Variants in CTSH observed in about 807,000 individuals in gnomAD.
The protein encoded by CTSH is pro-cathepsin H.
Under a neutral mutation model 56.3 loss-of-function variants are expected in CTSH, and 52 were observed. The ratio of observed to expected loss-of-function variants is 0.92; its 90% CI spans 0.74 to 1.16. The LOEUF is 1.16. Ranked by LOEUF, CTSH falls within the 50% of genes most tolerant of loss-of-function variation. The pLI, the probability that CTSH is intolerant of heterozygous loss-of-function variation, is 0.00. For synonymous variants in CTSH, 174 were observed against 155.7 expected (o/e 1.12, Z -0.88); for missense variants, 406 against 424.5 (o/e 0.96, Z 0.38).
intron 9 of CTSH, chr15:78,926,543 C>A (rs1567351074): frequency 6.6e-6 from 1 of 152,196 alleles, no homozygotes; most frequent in African/African-American, 2.4e-5. Context: ...CAAAGGGATA[C>A]CTTTGAGGCC....
rs763087568 is a variant in CTSH, at chr15:78,943,866, C to T, written c.91+1025G>A. On this transcript the variant is annotated intron_variant, in intron 1 of 11. Transcript: ENST00000220166. The stretch of plus-strand genomic sequence containing the variant: ...GCCTTCTCCAGGCAGCCCTCGCTTG[C>T]GGCAGCTAGGTTTTCCTTAGGCGGG... 5.3e-4 allele frequency among the ~76,000 whole-genome samples: 80 copies of T among 152,362 alleles called. No individual in the cohort carries two copies. The Middle Eastern group carries it at 0.01, about 19-fold the overall frequency.
chr15:78,923,049 A>AT lies in CTSH; in HGVS notation c.875dup (p.Asn292LysfsTer119), dbSNP rs1470013664. ...TTTTCACGATCCAGTAAGGGATCCC[A>AT]TTTTTTTCTCCATACCCAACAGCCA... On this transcript the variant is annotated frameshift_variant, in exon 11 of 12. Coordinates refer to ENST00000220166, the MANE Select transcript of CTSH (RefSeq NM_004390.5). LOFTEE classifies it high-confidence loss of function. 11 of 1,613,238 alleles carry AT rather than the reference A, an allele frequency of 6.8e-6. No homozygotes were observed. The highest frequency in any genetic ancestry group is 1.3e-5 in the African/African-American group (1 of 74,856).
chr15:78,944,854 T>A, intron 1 of CTSH, 37 bp downstream of exon 1: 1 of 1,540,214 alleles, frequency 6.5e-7, no homozygotes, highest in African/African-American at 1.4e-5. Context: ...CTCTAGGGCC[T>A]GCTAGCACCC....
chr15:78,929,449 C>T lies in CTSH; in HGVS notation c.593G>A (p.Gly198Glu). The change falls in exon 8 of 12, where the codon GGG becomes GAG. Residue 198 changes from glycine to glutamate, a missense_variant. By Grantham distance (98) the Gly-to-Glu change is moderately conservative (BLOSUM62 -2). Transcript: ENST00000220166. ...GGGGTAGGTGTCTTCACCCATGATC[C>T]CCTTGTTGTACAGGATATACTCGAA... ...QAFEYILYNK[G>E]IMGEDTYPYQ... 6.2e-7 allele frequency: 1 copy of T among 1,612,296 alleles called. No individual in the cohort carries two copies. The highest frequency in any genetic ancestry group is 1.1e-5 in the South Asian group (1 of 90,766).
chr15:78,929,822 G>A (rs2055008966), intron 7 of CTSH, among the ~76,000 whole-genome samples: 1 of 152,198 alleles, frequency 6.6e-6, no homozygotes, highest in South Asian at 2.1e-4. Flanking sequence ...CGAGCCCCTG[G>A]GCAGGTGCTT....
chr15:78,923,176 T>C, intron 10 of CTSH, 58 bp from the exon 11 acceptor site: 1 of 1,597,312 alleles, frequency 6.3e-7, no homozygotes, highest in South Asian at 1.1e-5. Flanking sequence ...GCAATGACAG[T>C]CCCATCCAAC....
chr15:78,941,147 C>G (rs528129153), intron 1 of CTSH, among the ~76,000 whole-genome samples: 1 of 152,220 alleles, frequency 6.6e-6, no homozygotes, highest in Non-Finnish European at 1.5e-5. Context: ...TTTATTTTGG[C>G]TGGGCGCCGT....
chr15:78,930,427 T>C (rs940704063), intron 7 of CTSH, among the ~76,000 whole-genome samples: 2 of 152,078 alleles, frequency 1.3e-5, no homozygotes, highest in Non-Finnish European at 2.9e-5. Context: ...CCTGGGAGGC[T>C]GAGGCAGGAG....
At position 78,931,489 on chromosome 15, in the gene CTSH, C is replaced by G. The variant is rs371344149; in HGVS notation, c.510G>C (p.Val170=). The G allele has an allele frequency of 6.2e-7, 1 of 1,614,114 alleles. No individual in the cohort carries two copies. The highest frequency in any genetic ancestry group is 8.5e-7 in the Non-Finnish European group (1 of 1,180,048). Residue 170 remains valine (V), a synonymous_variant, in exon 7 of 12, where the codon GTG becomes GTC. Coordinates refer to ENST00000220166, the MANE Select transcript of CTSH (RefSeq NM_004390.5). ...KMLSLAEQQL[V]DCAQDFNNHG... Reference sequence around the variant, plus strand: ...GATTATTGAAGTCCTGGGCGCAGTCCACCAGCTGCTGTTCCGCCTGGAAGA... The same window carrying G: ...GATTATTGAAGTCCTGGGCGCAGTCGACCAGCTGCTGTTCCGCCTGGAAGA...
intron 1 of CTSH, among the ~76,000 whole-genome samples, chr15:78,939,573 G>A (rs891296526): frequency 6.6e-6 from 1 of 152,156 alleles, no homozygotes; most frequent in South Asian, 2.1e-4. Flanking sequence ...GTTATATTTC[G>A]GTAAGAAGTT....
Position 78,922,113 on chromosome 15 carries a change from G to A in CTSH, c.*17C>T, listed in dbSNP as rs775692045. On this transcript the variant is annotated 3_prime_UTR_variant, in exon 12 of 12. Coordinates refer to ENST00000220166, the MANE Select transcript of CTSH (RefSeq NM_004390.5). The stretch of plus-strand genomic sequence containing the variant: ...TTCCTCTCCTTCTCCGCCAGTCTGC[G>A]CTGCGGCTGCCACGGCTCACACCAG... 4.1e-5 allele frequency: 64 copies of A among 1,554,742 alleles called. No individual in the cohort carries two copies. Among genetic ancestry groups the A allele is most frequent in the South Asian group, 4.0e-4 (34 of 84,348 alleles).
In CTSH at chr15:78,922,972, TG is replaced by T; in HGVS notation, c.932+20del. 1 of 1,596,394 alleles carries T rather than the reference TG, an allele frequency of 6.3e-7. No individual in the cohort carries two copies. The highest frequency in any genetic ancestry group is 8.5e-7 in the Non-Finnish European group (1 of 1,174,954). On this transcript the variant is annotated intron_variant, in intron 11 of 11. Coordinates refer to ENST00000220166, the MANE Select transcript of CTSH (RefSeq NM_004390.5). ...CTGAGCAACATCCCCCTCCCAGAAG[TG>T]GGACCTGGGAGCTGCTTACCCGTTC...
chr15:78,929,025 G>A (rs1476806858), intron 8 of CTSH, among the ~76,000 whole-genome samples: 1 of 152,238 alleles, frequency 6.6e-6, no homozygotes, highest in African/African-American at 2.4e-5. Flanking sequence ...GTAGGGGTGG[G>A]GGTGGGCCCC....
chr15:78,944,134 C>A (rs2055346418), intron 1 of CTSH, among the ~76,000 whole-genome samples: 2 of 152,282 alleles, frequency 1.3e-5, no homozygotes, highest in South Asian at 4.1e-4. Flanking sequence ...GTGAAGGGGG[C>A]AGGTGGTCTT....
At chr15:78,935,620 A>C in intron 4 of CTSH, 60 bp downstream of exon 4, 1 of 1,464,158 alleles carries the variant, frequency 6.8e-7, no homozygotes, top group South Asian at 1.2e-5. Context: ...GCAGGCTCCA[A>C]ATTTATTCCA....
chr15:78,929,158 C>G (rs966646662), intron 8 of CTSH, among the ~76,000 whole-genome samples: 10 of 152,002 alleles, frequency 6.6e-5, no homozygotes, highest in Non-Finnish European at 1.3e-4. Flanking sequence ...CCTGAGAAGT[C>G]TGGCTCGGGA....
At chr15:78,937,542 CA>C in intron 2 of CTSH, 119 bp from the exon 3 acceptor site, 1 of 1,349,710 alleles carries the variant, frequency 7.4e-7, no homozygotes, top group Non-Finnish European at 1.0e-6. Flanking sequence ...ATTCTCAGGC[CA>C]AATCTGTGTT....
In CTSH at chr15:78,945,024, G is replaced by A. The variant is rs1265377856; in HGVS notation, c.-43C>T. On this transcript the variant is annotated 5_prime_UTR_variant, in exon 1 of 12. Transcript: ENST00000220166. The stretch of plus-strand genomic sequence containing the variant: ...GGCTCTTGCGCTCAGGGTCCGCGGA[G>A]GTGGCGGCCCAGAGCGTCAACTGGG... The A allele has an allele frequency of 2.3e-5, 34 of 1,483,912 alleles. No individual in the cohort carries two copies. In the East Asian group the frequency reaches 7.4e-4, roughly 32 times the overall value. 91.9% of individuals were successfully genotyped at this position (1,483,912 alleles called of 1,614,324 possible).
intron 6 of CTSH, 61 bp downstream of exon 6, chr15:78,932,311 G>T: frequency 2.0e-6 from 3 of 1,477,678 alleles, no homozygotes; most frequent in Non-Finnish European, 2.8e-6. Context: ...AAAGGCCCAG[G>T]CCTGGCCCAC....
Sources: gnomAD v4.1 joint callset for allele counts (sites outside exome capture counted in the v4.1 genomes callset) on GRCh38, gnomAD v4.1.1 for gene constraint, MANE v1.5 for transcripts, NCBI Gene and HGNC (gene_info 2026-07-23, HGNC 2026-07-21) for gene names.